GPR183: variants seen among roughly 807,000 people sequenced by gnomAD.
GPR183 encodes the protein G protein-coupled receptor 183, also known as EBV-induced G-protein coupled receptor 2.
A neutral mutation model predicts 19.7 loss-of-function variants in GPR183; 9 were observed. The ratio of observed to expected loss-of-function variants is 0.46; its 90% CI spans 0.28 to 0.80. The LOEUF (loss-of-function observed/expected upper bound fraction) is 0.80. GPR183 is among the 30% of genes least tolerant of loss of function. GPR183 has a pLI of 0.13. For synonymous variants in GPR183, 160 were observed against 155.1 expected (o/e 1.03, Z -0.24); for missense variants, 368 against 446.7 (o/e 0.82, Z 1.59).
chr13:99,305,047 A>C (rs1411652190), intron 1 of GPR183, among the ~76,000 whole-genome samples: 1 of 152,230 alleles, frequency 6.6e-6, no homozygotes, highest in East Asian at 1.9e-4. Flanking sequence ...AAAGTAAGTA[A>C]AGGTTTTATA....
At position 99,294,917 on chromosome 13, in the gene GPR183, C is replaced by T. The variant is rs1229376528; in HGVS notation, c.*143G>A. 4.9e-6 allele frequency: 4 copies of T among 821,098 alleles called. No homozygotes were observed. The highest frequency in any genetic ancestry group is 3.0e-5 in the Admixed American group (1 of 32,858). 50.9% of individuals were successfully genotyped at this position (821,098 alleles called of 1,614,324 possible). A position where few individuals can be genotyped will look rare whatever the true frequency, so the allele number is the denominator to read the frequency against. On this transcript the variant is annotated 3_prime_UTR_variant, in exon 2 of 2. Coordinates refer to ENST00000376414, the MANE Select transcript of GPR183 (RefSeq NM_004951.5). ...TATGTTGTTCTCTTGGGCTTACTTCCGAGTTGGAGATGGGAAAGTGCCCAA... is the reference window on the plus strand; with the variant it reads ...TATGTTGTTCTCTTGGGCTTACTTCTGAGTTGGAGATGGGAAAGTGCCCAA...
rs2044156295 is a variant in GPR183, at chr13:99,295,484, C to T, written c.662G>A (p.Cys221Tyr). The T allele has an allele frequency of 1.2e-6, 2 of 1,613,900 alleles. No homozygotes were observed. The highest frequency in any genetic ancestry group is 8.5e-7 in the Non-Finnish European group (1 of 1,179,982). The change falls in exon 2 of 2, where the codon TGC (cysteine) becomes TAC (tyrosine). Residue 221 changes from cysteine to tyrosine, a missense_variant. Coordinates refer to ENST00000376414, the MANE Select transcript of GPR183 (RefSeq NM_004951.5). This position sits in a 1 kb window ranked among gnomAD's most constrained non-coding sequence, Gnocchi z 4.1. ...TTGTTTGGCAGTTCTGAAGAGTTTG[C>T]AGCAGATCTGAGAATAGCAGATGAG... is the stretch of plus-strand genomic sequence containing the variant. Reference protein sequence around the residue: ...IILICYSQICCKLFRTAKQNP... With the variant: ...IILICYSQICYKLFRTAKQNP...
chr13:99,297,925 A>G (rs2044200599), intron 1 of GPR183, among the ~76,000 whole-genome samples: 1 of 151,754 alleles, frequency 6.6e-6, no homozygotes, highest in Non-Finnish European at 1.5e-5. Flanking sequence ...CAACCAATAA[A>G]AAGGTAGTAT....
chr13:99,294,813 G>T lies in GPR183; in HGVS notation c.*247C>A. 1 of 324,078 alleles carries T rather than the reference G, an allele frequency of 3.1e-6. No individual in the cohort carries two copies. Among genetic ancestry groups the T allele is most frequent in the Admixed American group, 4.5e-5 (1 of 22,242 alleles). 20.1% of individuals were successfully genotyped at this position (324,078 alleles called of 1,614,324 possible). ...TTTTACATTGGGAGTTATTAAGAGC[G>T]CCTCCTTTTGGTGTATTCGTTTACA... On this transcript the variant is annotated 3_prime_UTR_variant, in exon 2 of 2. Transcript: ENST00000376414.
chr13:99,306,178 G>A (rs937556223), intron 1 of GPR183, among the ~76,000 whole-genome samples: 7 of 152,154 alleles, frequency 4.6e-5, no homozygotes, highest in African/African-American at 1.7e-4. Flanking sequence ...TTACAGGAGT[G>A]AGCCACCACA....
chr13:99,300,404 C>A (rs1329287071), intron 1 of GPR183, among the ~76,000 whole-genome samples: 2 of 152,166 alleles, frequency 1.3e-5, no homozygotes, highest in Admixed American at 6.5e-5. Context: ...CACTTTAGTT[C>A]TTGCTTATAT....
In GPR183 at chr13:99,305,304, A is replaced by G. The variant is rs187723307; in HGVS notation, c.-19+2036T>C. Among the ~76,000 whole-genome samples the G allele has an allele frequency of 4.0e-3, 616 of 152,230 alleles. 6 individuals carry two copies. Among genetic ancestry groups the G allele is most frequent in the African/African-American group, 0.014 (583 of 41,550 alleles). ...AGAGGATTCTCACATGTGTTATCTC[A>G]TTTTATACAATGCCCAGACTTCTTG... On this transcript the variant is annotated intron_variant, in intron 1 of 1. Transcript: ENST00000376414.
chr13:99,300,272 A>G lies in GPR183; in HGVS notation c.-18-4109T>C, dbSNP rs187936987. On this transcript the variant is annotated intron_variant, in intron 1 of 1. Transcript: ENST00000376414. ...GGTGGCCAAAGAAAGGCATTTGCAG[A>G]ATGTGGACGTGTAAGTGGGATGGCT... 2.8e-4 allele frequency among the ~76,000 whole-genome samples: 43 copies of G among 152,334 alleles called. 2 individuals are homozygous for G. In the East Asian group the frequency reaches 7.7e-3, roughly 27 times the overall value.
chr13:99,299,460 ACG>A (rs2044225006), intron 1 of GPR183, among the ~76,000 whole-genome samples: 2 of 146,622 alleles, frequency 1.4e-5, no homozygotes, highest in South Asian at 2.2e-4. Flanking sequence ...ACACACACAC[ACG>A]CACACACACA....
chr13:99,303,019 T>TG (rs5806107), intron 1 of GPR183, among the ~76,000 whole-genome samples: 152,183 of 152,188 alleles, frequency 1, 76,089 homozygotes, highest in Middle Eastern at 1. Flanking sequence ...CCCTGCCTCC[T>TG]GGGGGCTTGC....
chr13:99,299,462 G>GCA (rs10622782), intron 1 of GPR183, among the ~76,000 whole-genome samples: 14,201 of 150,812 alleles, frequency 0.094, 765 homozygotes, highest in Middle Eastern at 0.14. Context: ...ACACACACAC[G>GCA]CACACACACA....
At chr13:99,303,712 G>A (rs1039838816) in intron 1 of GPR183, among the ~76,000 whole-genome samples, 3 of 152,112 alleles carry the variant, frequency 2.0e-5, no homozygotes, top group Non-Finnish European at 4.4e-5. Flanking sequence ...GAAATAATAT[G>A]TACCTTTTCT....
chr13:99,296,616 T>C (rs1046713245), intron 1 of GPR183, among the ~76,000 whole-genome samples: 1 of 152,164 alleles, frequency 6.6e-6, no homozygotes, highest in African/African-American at 2.4e-5. Flanking sequence ...CAAATGCATA[T>C]CACTGCCAGG....
chr13:99,298,924 A>T, intron 1 of GPR183, among the ~76,000 whole-genome samples: 1 of 152,164 alleles, frequency 6.6e-6, no homozygotes. Flanking sequence ...ATTTTTTTCT[A>T]AGTTCTTTGA....
intron 1 of GPR183, among the ~76,000 whole-genome samples, chr13:99,305,690 G>C (rs969972389): frequency 6.6e-6 from 1 of 152,180 alleles, no homozygotes; most frequent in African/African-American, 2.4e-5. Context: ...AGTAATTTAT[G>C]CAAGGGATCA....
intron 1 of GPR183, among the ~76,000 whole-genome samples, chr13:99,297,262 T>G (rs1407408346): frequency 6.6e-6 from 1 of 152,196 alleles, no homozygotes; most frequent in East Asian, 1.9e-4. Context: ...AAATCCTGTG[T>G]GATTATTTTT....
chr13:99,307,005 T>C (rs1272668956), intron 1 of GPR183, among the ~76,000 whole-genome samples: 1 of 152,218 alleles, frequency 6.6e-6, no homozygotes, highest in African/African-American at 2.4e-5. Flanking sequence ...TCCTTCATAC[T>C]AAGTTATCCT....
At chr13:99,302,413 G>A (rs1374851266) in intron 1 of GPR183, among the ~76,000 whole-genome samples, 1 of 152,156 alleles carries the variant, frequency 6.6e-6, no homozygotes, top group Admixed American at 6.5e-5. Context: ...TGGCAAGCTG[G>A]GGCTGTTTCA....
Position 99,295,066 on chromosome 13 carries a change from T to A in GPR183, c.1080A>T (p.Gly360=), listed in dbSNP as rs1177969574. 6.2e-7 allele frequency: 1 copy of A among 1,612,766 alleles called. No individual in the cohort carries two copies. The highest frequency in any genetic ancestry group is 2.2e-5 in the East Asian group (1 of 44,864). ...QMMIHSKSSN[G]K ...AACCAAAATACAATCCATTTCACTT[T>A]CCATTTGAAGACTTGGAATGTATCA... The change falls in exon 2 of 2, where the codon GGA becomes GGT. Residue 360 remains glycine (G), a synonymous_variant. Transcript: ENST00000376414. The surrounding 1 kb of genome is among the most constrained non-coding windows in gnomAD (Gnocchi z 4.1).
Sources: gnomAD v4.1 joint callset for allele counts (sites outside exome capture counted in the v4.1 genomes callset) on GRCh38, gnomAD v4.1.1 for gene constraint, Gnocchi (gnomAD v3.1) non-coding constraint, MANE v1.5 for transcripts, NCBI Gene and HGNC (gene_info 2026-07-23, HGNC 2026-07-21) for gene names.